Variants in GFI1 observed in about 807,000 individuals in gnomAD.
GFI1 encodes the protein growth factor independent 1 transcriptional repressor.
A neutral mutation model predicts 39.2 loss-of-function variants in GFI1; 15 were observed. That is an observed-to-expected ratio of 0.38 (90% confidence interval 0.26 to 0.59). GFI1 has a LOEUF of 0.59. Among genes scored for constraint, GFI1 ranks in the 20% least tolerant of loss-of-function variants. The pLI, the probability that GFI1 is intolerant of heterozygous loss-of-function variation, is 0.62. For missense variants in GFI1, 475 were observed against 574.0 expected, an observed-to-expected ratio of 0.83 and a Z score of 1.76; for synonymous variants, 239 against 254.3, an observed-to-expected ratio of 0.94 and a Z score of 0.57.
rs914173529 is a variant in GFI1 at position 92,480,594 on chromosome 1, G to C, written c.786+7C>G. 1.9e-6 allele frequency: 3 copies of C among 1,545,918 alleles called. No homozygotes were observed. In the African/African-American group the frequency reaches 4.1e-5, roughly 21 times the overall value. On this transcript the variant is annotated splice_region_variant and intron_variant, in intron 4 of 6. Transcript: ENST00000294702. This position sits in a 1 kb window ranked among gnomAD's most constrained non-coding sequence, Gnocchi z 5.6. ...GGCAGGCGAGGTGGTGAGCTCGGGA[G>C]CCTCACCTTGCTGCACTTGATGCAC...
In GFI1 at chr1:92,480,958, C is replaced by A; in HGVS notation, c.429G>T (p.Gly143=). 5 of 1,592,902 alleles carry A rather than the reference C, an allele frequency of 3.1e-6. No homozygotes were observed. The highest frequency in any genetic ancestry group is 4.3e-6 in the Non-Finnish European group (5 of 1,170,658). ...CCAGGCCAGCGCCACGCTCCAGGGC[C>A]CCACACGGTCGGTAGCTCTGCACCA... is the stretch of plus-strand genomic sequence containing the variant. ...RHLVQSYRPC[G]ALERGAGLGL... The change falls in exon 4 of 7, where the codon GGG becomes GGT. Residue 143 remains glycine, a synonymous_variant. Coordinates refer to ENST00000294702, the MANE Select transcript of GFI1 (RefSeq NM_005263.5). This position sits in a 1 kb window ranked among gnomAD's most constrained non-coding sequence, Gnocchi z 5.6.
In GFI1 at chr1:92,480,791, A is replaced by G. The variant is rs1291583681; in HGVS notation, c.596T>C (p.Leu199Pro). ...TGCCGCAGACCCGAAGTCGCCGTAG[A>G]GCCCTAGGCCAGGGCCAGCGGTGGC... ...AGATAGPGLGLYGDFGSAAAG... is the reference protein window; with the variant it reads ...AGATAGPGLGPYGDFGSAAAG... The change falls in exon 4 of 7, where the codon CTC (leucine) becomes CCC (proline). Residue 199 changes from leucine to proline, a missense_variant. Transcript: ENST00000294702. The surrounding 1 kb of genome is among the most constrained non-coding windows in gnomAD (Gnocchi z 5.6). The G allele has an allele frequency of 1.9e-6, 3 of 1,597,830 alleles. No individual in the cohort carries two copies. In the African/African-American group the frequency reaches 4.0e-5, roughly 21 times the overall value.
rs1027944089 is a variant in GFI1, at chr1:92,484,056, G to C, written c.-99-470C>G. 5.1e-6 allele frequency: 1 copy of C among 196,572 alleles called. No homozygotes were observed. The highest frequency in any genetic ancestry group is 2.3e-5 in the African/African-American group (1 of 42,720). The allele number at this position is 196,572 out of a possible 1,614,324, so 12.2% of individuals were successfully genotyped here. On this transcript the variant is annotated intron_variant, in intron 1 of 6. Coordinates refer to ENST00000294702, the MANE Select transcript of GFI1 (RefSeq NM_005263.5). The surrounding 1 kb of genome is among the most constrained non-coding windows in gnomAD (Gnocchi z 4.1). Reference sequence around the variant, plus strand: ...ATGCCCAGTGGTCGAGGACCCGGAAGGGGCAAGGAGCCAAGACCTCCAAGA... The same window carrying C: ...ATGCCCAGTGGTCGAGGACCCGGAACGGGCAAGGAGCCAAGACCTCCAAGA...
At position 92,482,802 on chromosome 1, in the gene GFI1, TC is replaced by T. The variant is rs1021748699; in HGVS notation, c.298+61del. ...TTTCTACGCCCAAGGTCGCGCCAAT[TC>T]CCCCCCAGCACTGCCGGGTCCCTGC... On this transcript the variant is annotated intron_variant, in intron 3 of 6. Coordinates refer to ENST00000294702, the MANE Select transcript of GFI1 (RefSeq NM_005263.5). The surrounding 1 kb of genome is among the most constrained non-coding windows in gnomAD (Gnocchi z 4.4). 3.3e-5 allele frequency: 44 copies of T among 1,341,738 alleles called. No individual in the cohort carries two copies. The highest frequency in any genetic ancestry group is 1.7e-4 in the Admixed American group (10 of 58,688). The allele number at this position is 1,341,738 out of a possible 1,614,324, so 83.1% of individuals were successfully genotyped here.
chr1:92,476,132 T>G lies in GFI1; in HGVS notation c.1166A>C (p.Lys389Thr). 6.2e-7 allele frequency: 1 copy of G among 1,614,082 alleles called. No individual in the cohort carries two copies. The highest frequency in any genetic ancestry group is 8.5e-7 in the Non-Finnish European group (1 of 1,179,986). Reference protein sequence around the residue: ...QSSNLITHSRKHTGFKPFGCD... With the variant: ...QSSNLITHSRTHTGFKPFGCD... ...GCCGAAGGGCTTGAAGCCTGTGTGT[T>G]TGCGGCTGTGGGTGATGAGGTTGGA... The change falls in exon 7 of 7, where the codon AAA becomes ACA. Residue 389 changes from lysine (K) to threonine (T), a missense_variant. Physicochemically the swap from Lys to Thr is moderately conservative, Grantham distance 78. Around this residue, in one of 4 missense-constraint regions of GFI1, gnomAD observed 112 missense variants for 202.8 expected, o/e 0.55. Transcript: ENST00000294702.
In GFI1 at chr1:92,473,990, G is replaced by A. The variant is rs1457847804; in HGVS notation, c.*2039C>T. On this transcript the variant is annotated 3_prime_UTR_variant, in exon 7 of 7. Transcript: ENST00000294702. ...TGAAATCAATTTGAGTTGGAAATGG[G>A]CAATCTGCTGGTTCTCACCATGGGG... 6.6e-6 allele frequency among the ~76,000 whole-genome samples: 1 copy of A among 152,218 alleles called. No homozygotes were observed. The highest frequency in any genetic ancestry group is 1.5e-5 in the Non-Finnish European group (1 of 68,038).
intron 6 of GFI1, 55 bp downstream of exon 6, chr1:92,478,533 T>C: frequency 1.4e-6 from 2 of 1,443,598 alleles, no homozygotes; most frequent in Admixed American, 1.7e-5. Context: ...TCAGAGAAGA[T>C]GAGTAATGTT....
chr1:92,475,864 C>T lies in GFI1; in HGVS notation c.*165G>A. The T allele has an allele frequency of 3.0e-6, 2 of 660,922 alleles. No homozygotes were observed. Among genetic ancestry groups the T allele is most frequent in the Non-Finnish European group, 5.4e-6 (2 of 369,436 alleles). 40.9% of individuals were successfully genotyped at this position (660,922 alleles called of 1,614,324 possible). ...GGTACCTCATTTCTTCTGGCAGCTC[C>T]AGGAGGTAAGGCGAAGGAGGAGCAA... On this transcript the variant is annotated 3_prime_UTR_variant, in exon 7 of 7. Coordinates refer to ENST00000294702, the MANE Select transcript of GFI1 (RefSeq NM_005263.5).
Position 92,475,988 on chromosome 1 carries a change from T to C in GFI1, c.*41A>G, listed in dbSNP as rs760959517. The C allele has an allele frequency of 3.8e-6, 6 of 1,590,204 alleles. No individual in the cohort carries two copies. The highest frequency in any genetic ancestry group is 3.4e-5 in the South Asian group (3 of 89,412). Reference sequence around the variant, plus strand: ...GGTGGCAAGCAGGGAGGCTGCCCTCTGTAGTGTTGTGTAGCTGCTGCTTGC... The same window carrying C: ...GGTGGCAAGCAGGGAGGCTGCCCTCCGTAGTGTTGTGTAGCTGCTGCTTGC... On this transcript the variant is annotated 3_prime_UTR_variant, in exon 7 of 7. Coordinates refer to ENST00000294702, the MANE Select transcript of GFI1 (RefSeq NM_005263.5).
chr1:92,478,235 T>A (rs1658053229), intron 6 of GFI1, among the ~76,000 whole-genome samples: 1 of 152,118 alleles, frequency 6.6e-6, no homozygotes, highest in Admixed American at 6.5e-5. Flanking sequence ...AATCTCTAGG[T>A]AAGCTTTAGA....
Position 92,483,059 on chromosome 1 carries a change from G to A in GFI1, c.116-13C>T. The A allele has an allele frequency of 6.4e-7, 1 of 1,570,086 alleles. No homozygotes were observed. Among genetic ancestry groups the A allele is most frequent in the Non-Finnish European group, 8.6e-7 (1 of 1,161,566 alleles). ...TTTGAAGTGCTGTCTGCAAAGAGGA[G>A]GCAGGTGAGGGGCTCAGGCTGGGAC... On this transcript the variant is annotated splice_polypyrimidine_tract_variant and intron_variant, in intron 2 of 6. Transcript: ENST00000294702.
intron 1 of GFI1, chr1:92,485,889 G>C (rs911394825): frequency 1.3e-5 from 2 of 152,218 alleles, no homozygotes; most frequent in East Asian, 3.9e-4. Context: ...GCTCCCGCAC[G>C]GCGGTCCGCA....
rs770602225 is a variant in GFI1, at chr1:92,480,640, C to A, written c.747G>T (p.Leu249=). ...VESELLCTRL[L]LGGGSYKCIK... is the part of the protein sequence containing the mutation. ...TGCACTTGTAGGAGCCGCCGCCCAG[C>A]AGCAGGCGGGTGCACAGCAGCTCCG... Residue 249 remains leucine, a synonymous_variant, in exon 4 of 7, where the codon CTG becomes CTT. Coordinates refer to ENST00000294702, the MANE Select transcript of GFI1 (RefSeq NM_005263.5). This position sits in a 1 kb window ranked among gnomAD's most constrained non-coding sequence, Gnocchi z 5.6. The A allele has an allele frequency of 1.9e-6, 3 of 1,587,712 alleles. No individual in the cohort carries two copies. Among genetic ancestry groups the A allele is most frequent in the Non-Finnish European group, 8.5e-7 (1 of 1,173,300 alleles).
Position 92,481,182 on chromosome 1 carries a change from G to T in GFI1, c.299-94C>A. 9.0e-7 allele frequency: 1 copy of T among 1,109,300 alleles called. No homozygotes were observed. The highest frequency in any genetic ancestry group is 1.3e-6 in the Non-Finnish European group (1 of 752,060). 68.7% of individuals were successfully genotyped at this position (1,109,300 alleles called of 1,614,324 possible). On this transcript the variant is annotated intron_variant, in intron 3 of 6. Transcript: ENST00000294702. The surrounding 1 kb of genome is among the most constrained non-coding windows in gnomAD (Gnocchi z 4.3). ...TGCGAGCGTGGCGTGTTCGCGGACT[G>T]CGGGGCACCCAGCGCTTGTAGAACA... is the stretch of plus-strand genomic sequence containing the variant.
intron 6 of GFI1, among the ~76,000 whole-genome samples, chr1:92,476,795 G>A (rs6676846): frequency 0.85 from 129,677 of 152,060 alleles, 55,671 homozygotes; most frequent in East Asian, 0.97. Context: ...TCTAAGTTCC[G>A]GGGTACATGT....
At chr1:92,483,899 A>T (rs541917668) in intron 1 of GFI1, 9 of 336,068 alleles carry the variant, frequency 2.7e-5, no homozygotes, top group Admixed American at 1.2e-4. Context: ...TCGCTCCGGC[A>T]ATCAAACTCC....
intron 2 of GFI1, 134 bp downstream of exon 2, chr1:92,483,239 C>A (rs1043078150): frequency 1.9e-5 from 14 of 736,178 alleles, no homozygotes; most frequent in Middle Eastern, 3.7e-4. Context: ...CCCGGAGGAA[C>A]CAGGACAGTA....
intron 1 of GFI1, 109 bp from the exon 2 acceptor site, chr1:92,483,695 C>G: frequency 1.6e-6 from 1 of 617,636 alleles, no homozygotes; most frequent in East Asian, 2.9e-5. Flanking sequence ...CGCAGAGGGC[C>G]CACGGGAGGA....
Position 92,482,719 on chromosome 1 carries a change from C to A in GFI1, c.298+145G>T. On this transcript the variant is annotated intron_variant, in intron 3 of 6. Transcript: ENST00000294702. The surrounding 1 kb of genome is among the most constrained non-coding windows in gnomAD (Gnocchi z 4.4). ...CAAGTCCCAGAGAAGCCGGATGCCT[C>A]CTTCCCCTACGAATCAGCTCCCTTC... The A allele has an allele frequency of 1.4e-6, 1 of 714,580 alleles. No individual in the cohort carries two copies. Among genetic ancestry groups the A allele is most frequent in the Non-Finnish European group, 2.5e-6 (1 of 402,442 alleles). The allele number at this position is 714,580 out of a possible 1,614,324, so 44.3% of individuals were successfully genotyped here. A position where few individuals can be genotyped will look rare whatever the true frequency, so the allele number is the denominator to read the frequency against.
Sources: gnomAD v4.1 joint callset for allele counts (sites outside exome capture counted in the v4.1 genomes callset) on GRCh38, gnomAD v4.1.1 for gene constraint, gnomAD v4.1.1 regional missense constraint, Gnocchi (gnomAD v3.1) non-coding constraint, MANE v1.5 for transcripts, NCBI Gene and HGNC (gene_info 2026-07-23, HGNC 2026-07-21) for gene names.